HVCN1: variants seen among roughly 807,000 people sequenced by gnomAD.
The protein encoded by HVCN1 is hydrogen voltage gated channel 1.
HVCN1 carries 14 observed loss-of-function variants against 29.2 expected under a neutral mutation model. The observed-to-expected ratio is 0.48, with a 90% confidence interval of 0.32 to 0.75. The LOEUF is 0.75. Ranked by LOEUF, HVCN1 falls within the 30% of genes least tolerant of loss-of-function variation. HVCN1 has a pLI of 0.04. For missense variants in HVCN1, 263 were observed against 341.8 expected, an observed-to-expected ratio of 0.77 and a Z score of 1.82; for synonymous variants, 131 against 133.2, an observed-to-expected ratio of 0.98 and a Z score of 0.11.
chr12:110,662,314 T>A (rs926810704), intron 3 of HVCN1, among the ~76,000 whole-genome samples: 1 of 152,020 alleles, frequency 6.6e-6, no homozygotes, highest in Non-Finnish European at 1.5e-5. Context: ...TAAAGTGTAT[T>A]TAAAAAGGAA....
At position 110,698,649 on chromosome 12, in the gene HVCN1, C is replaced by T. The variant is rs1234305202; in HGVS notation, c.-104+3660G>A. Among the ~76,000 whole-genome samples the T allele has an allele frequency of 3.9e-5, 6 of 152,308 alleles. No individual in the cohort carries two copies. The South Asian group carries it at 6.2e-4, about 16-fold the overall frequency. ...ATCAAATGCTCTGGCCAGGGGGACC[C>T]GAGCACTGTCTGCAGGGACTTCCAG... On this transcript the variant is annotated intron_variant, in intron 2 of 4. Transcript: ENST00000546713.
intron 2 of HVCN1, among the ~76,000 whole-genome samples, chr12:110,696,994 G>T (rs2136508557): frequency 6.6e-6 from 1 of 152,102 alleles, no homozygotes; most frequent in Non-Finnish European, 1.5e-5. Flanking sequence ...CCAGATCCAT[G>T]TGGGAGACAG....
chr12:110,663,587 C>CA (rs1182792368), intron 3 of HVCN1, among the ~76,000 whole-genome samples: 7,286 of 25,456 alleles, frequency 0.29, 1,130 homozygotes, highest in Non-Finnish European at 0.36. Flanking sequence ...GACGCTGTCT[C>CA]AAAAAAAAAA....
chr12:110,661,144 C>G lies in HVCN1; in HGVS notation c.306+20G>C, dbSNP rs374295379. 2 of 1,574,078 alleles carry G rather than the reference C, an allele frequency of 1.3e-6. No individual in the cohort carries two copies. Among genetic ancestry groups the G allele is most frequent in the South Asian group, 1.2e-5 (1 of 84,248 alleles). On this transcript the variant is annotated intron_variant, in intron 4 of 7. Coordinates refer to ENST00000242607, the MANE Select transcript of HVCN1 (RefSeq NM_032369.4). This position sits in a 1 kb window ranked among gnomAD's most constrained non-coding sequence, Gnocchi z 6.2. ...GCTCTCCTGCCAGCTCTGGGTATCCCGGACTCCTGCCCCACCTACCTGAAA... is the reference window on the plus strand; with the variant it reads ...GCTCTCCTGCCAGCTCTGGGTATCCGGGACTCCTGCCCCACCTACCTGAAA...
intron 5 of HVCN1, among the ~76,000 whole-genome samples, chr12:110,651,796 C>T (rs1303324179): frequency 6.6e-6 from 1 of 152,162 alleles, no homozygotes. Flanking sequence ...CAGAAATGTC[C>T]ATTAGACAGA....
Position 110,650,187 on chromosome 12 carries a change from T to G in HVCN1, c.737A>C (p.Glu246Ala). The change falls in exon 7 of 8, where the codon GAG (glutamate) becomes GCG (alanine). Residue 246 changes from glutamate (E) to alanine (A), a missense_variant. Physicochemically the swap from Glu to Ala is moderately radical, Grantham distance 107 (BLOSUM62 -1). Transcript: ENST00000242607. ...VQLAAKIQHL[E>A]FSCSEKEQEI... ...TCTTACCTTCTCAGAGCAGCTGAAC[T>G]CAAGGTGTTGAATCTTGGCGGCCAA... The G allele has an allele frequency of 1.2e-6, 2 of 1,611,702 alleles. No individual in the cohort carries two copies. Among genetic ancestry groups the G allele is most frequent in the Non-Finnish European group, 1.7e-6 (2 of 1,177,866 alleles).
chr12:110,697,020 A>G (rs764739647), intron 2 of HVCN1, among the ~76,000 whole-genome samples: 6 of 151,870 alleles, frequency 4.0e-5, no homozygotes, highest in Non-Finnish European at 7.4e-5. Context: ...ACAGGGGGGA[A>G]CTGTGGGTGG....
At chr12:110,681,801 G>A (rs1307985055) in intron 3 of HVCN1, among the ~76,000 whole-genome samples, 1 of 152,102 alleles carries the variant, frequency 6.6e-6, no homozygotes, top group Non-Finnish European at 1.5e-5. Context: ...AGAACCTCAA[G>A]ATGAACAGCT....
At chr12:110,678,230 G>A (rs1338114720) in intron 3 of HVCN1, among the ~76,000 whole-genome samples, 1 of 152,068 alleles carries the variant, frequency 6.6e-6, no homozygotes, top group African/African-American at 2.4e-5. Context: ...CTCCTCCTGC[G>A]GGACCCCTCA....
At position 110,648,725 on chromosome 12, in the gene HVCN1, C is replaced by G. The variant is rs1593411900; in HGVS notation, c.*685G>C. On this transcript the variant is annotated 3_prime_UTR_variant, in exon 8 of 8. Coordinates refer to ENST00000242607, the MANE Select transcript of HVCN1 (RefSeq NM_032369.4). ...CACCAGGCACTGTAGCTAGCTTGCT[C>G]TCCGACTGGCAGGCTGGTATGGGTG... is the stretch of plus-strand genomic sequence containing the variant. 1.2e-5 allele frequency: 3 copies of G among 248,262 alleles called. No individual in the cohort carries two copies. In the South Asian group the frequency reaches 1.3e-4, roughly 11 times the overall value. The allele number at this position is 248,262 out of a possible 1,614,324, so 15.4% of individuals were successfully genotyped here.
At chr12:110,690,597 C>G (rs1248129417), upstream of HVCN1, among the ~76,000 whole-genome samples, 1 of 151,850 alleles carries the variant, frequency 6.6e-6, no homozygotes, top group Middle Eastern at 3.4e-3. Flanking sequence ...CTGCCTCAAG[C>G]CTCCCGAGTA....
At chr12:110,698,246 C>T (rs570041841) in intron 2 of HVCN1, among the ~76,000 whole-genome samples, 12 of 152,202 alleles carry the variant, frequency 7.9e-5, no homozygotes, top group South Asian at 6.2e-4. Flanking sequence ...GCGATCCTCC[C>T]GTCTTGGCCT....
chr12:110,666,213 T>C (rs1336251765), intron 3 of HVCN1, among the ~76,000 whole-genome samples: 2 of 151,530 alleles, frequency 1.3e-5, no homozygotes, highest in Non-Finnish European at 2.9e-5. Context: ...GGTCAGGAGA[T>C]TGAGACCATC....
intron 3 of HVCN1, among the ~76,000 whole-genome samples, chr12:110,682,166 T>C (rs566077201): frequency 2.5e-4 from 38 of 152,232 alleles, no homozygotes; most frequent in Middle Eastern, 3.4e-3. Context: ...TTTTGTACTA[T>C]TAGTAGAGAT....
chr12:110,684,348 ATG>A (rs1483948534), intron 2 of HVCN1, among the ~76,000 whole-genome samples: 3 of 152,256 alleles, frequency 2.0e-5, no homozygotes, highest in African/African-American at 7.2e-5. Context: ...GCTTTACATT[ATG>A]TGAATTTCAC....
intron 6 of HVCN1, 79 bp from the exon 7 acceptor site, chr12:110,650,359 G>A: frequency 2.4e-6 from 2 of 846,470 alleles, no homozygotes; most frequent in Non-Finnish European, 3.9e-6. Context: ...TCTTACACCT[G>A]TATAGAGTTT....
rs566442768 is a variant in HVCN1, at chr12:110,664,022, A to G, written c.22-2574T>C. Among the ~76,000 whole-genome samples, 9 of 152,216 alleles carry G rather than the reference A, an allele frequency of 5.9e-5. No individual in the cohort carries two copies. In the East Asian group the frequency reaches 1.7e-3, roughly 29 times the overall value. On this transcript the variant is annotated intron_variant, in intron 3 of 7. Transcript: ENST00000242607. ...AGTCTTGAATTCCTGTGCTCAAGCA[A>G]TTCTCCTGCCTCAACCTCCCGGGTA...
intron 3 of HVCN1, among the ~76,000 whole-genome samples, chr12:110,667,097 G>A (rs773785575): frequency 6.6e-6 from 1 of 152,126 alleles, no homozygotes; most frequent in African/African-American, 2.4e-5. Flanking sequence ...CAGGGCCAGC[G>A]CCAGGGTATA....
chr12:110,699,566 G>C (rs1185869765), intron 2 of HVCN1, among the ~76,000 whole-genome samples: 6 of 152,144 alleles, frequency 3.9e-5, no homozygotes, highest in African/African-American at 2.4e-5. Context: ...AGACAGAGAA[G>C]ACGAGGTCCT....
Sources: gnomAD v4.1 joint callset for allele counts (sites outside exome capture counted in the v4.1 genomes callset) on GRCh38, gnomAD v4.1.1 for gene constraint, Gnocchi (gnomAD v3.1) non-coding constraint, MANE v1.5 for transcripts, NCBI Gene and HGNC (gene_info 2026-07-23, HGNC 2026-07-21) for gene names.